CSMD1: variants seen among roughly 807,000 people sequenced by gnomAD.
The protein encoded by CSMD1 is CUB and Sushi multiple domains 1, also known as CUB and sushi domain-containing protein 1.
CSMD1 carries 213 observed loss-of-function variants against 417.5 expected under a neutral mutation model. That is an observed-to-expected ratio of 0.51 (90% confidence interval 0.46 to 0.57). The LOEUF is 0.57. CSMD1 is among the 20% of genes least tolerant of loss of function. The probability of loss-of-function intolerance (pLI) is 0.00; values close to 1 mark genes in which losing one functional copy is unlikely to be tolerated. For synonymous variants in CSMD1, 2,862 were observed against 1,736.8 expected (o/e 1.65, Z -16.11); for missense variants, 6,923 against 4,529.7 (o/e 1.53, Z -15.17).
intron 5 of CSMD1, among the ~76,000 whole-genome samples, chr8:3,969,679 A>G (rs1334872380): frequency 6.6e-6 from 1 of 152,224 alleles, no homozygotes; most frequent in East Asian, 1.9e-4. Context: ...CTTTGATGTC[A>G]GTAGTGGACA....
At chr8:4,761,371 G>GGT (rs36015588) in intron 1 of CSMD1, among the ~76,000 whole-genome samples, 8 of 150,874 alleles carry the variant, frequency 5.3e-5, no homozygotes, top group African/African-American at 1.5e-4. Context: ...CGTGTTACTT[G>GGT]GTGTGTGTGT....
chr8:3,706,295 A>G lies in CSMD1; in HGVS notation c.1009+2119T>C, dbSNP rs144100810. The stretch of plus-strand genomic sequence containing the variant: ...TGTAAGCGATGACATTTGAACTTGA[A>G]TAAGGCATATACTTGCACAGCTATT... On this transcript the variant is annotated intron_variant, in intron 7 of 69. Coordinates refer to ENST00000635120, the MANE Select transcript of CSMD1 (RefSeq NM_033225.6). Among the ~76,000 whole-genome samples, 697 of 152,364 alleles carry G rather than the reference A, an allele frequency of 4.6e-3. 4 individuals carry two copies. The highest frequency in any genetic ancestry group is 0.027 in the Middle Eastern group (8 of 294).
intron 7 of CSMD1, among the ~76,000 whole-genome samples, chr8:3,695,287 A>C (rs1309526384): frequency 1.3e-5 from 2 of 152,188 alleles, no homozygotes; most frequent in African/African-American, 4.8e-5. Flanking sequence ...TAGTGCCGCG[A>C]TGCAGAATTT....
Position 4,086,942 on chromosome 8 carries a change from T to C in CSMD1, c.416-54843A>G, listed in dbSNP as rs531426059. Among the ~76,000 whole-genome samples the C allele has an allele frequency of 3.3e-5, 5 of 152,338 alleles. No individual in the cohort carries two copies. In the South Asian group the frequency reaches 8.3e-4, roughly 25 times the overall value. On this transcript the variant is annotated intron_variant, in intron 3 of 69. Coordinates refer to ENST00000635120, the MANE Select transcript of CSMD1 (RefSeq NM_033225.6). The stretch of plus-strand genomic sequence containing the variant: ...GCTTGTTAAACTCACTAACCAGCTG[T>C]GTGGTTTGGGTAAATTACCAGATTG...
chr8:3,592,471 G>A (rs527770087), intron 8 of CSMD1, among the ~76,000 whole-genome samples: 92 of 152,126 alleles, frequency 6.0e-4, no homozygotes, highest in Non-Finnish European at 9.8e-4. Flanking sequence ...TTTCTTCAGC[G>A]TGACATTCAA....
At chr8:3,342,345 G>T (rs1345199273) in intron 23 of CSMD1, among the ~76,000 whole-genome samples, 1 of 151,964 alleles carries the variant, frequency 6.6e-6, no homozygotes, top group Non-Finnish European at 1.5e-5. Context: ...ATCAAATAAA[G>T]GTATCCATCA....
At position 3,134,445 on chromosome 8, in the gene CSMD1, G is replaced by A. The variant is rs115610642; in HGVS notation, c.6241+8020C>T. ...AACGTTTGACTCTCAGGGTTTTGGC[G>A]AGGCTATTTTCACAGCCGTAAAACT... On this transcript the variant is annotated intron_variant, in intron 41 of 69. Coordinates refer to ENST00000635120, the MANE Select transcript of CSMD1 (RefSeq NM_033225.6). Among the ~76,000 whole-genome samples, 1,171 of 152,314 alleles carry A rather than the reference G, an allele frequency of 7.7e-3. 17 individuals carry two copies. The highest frequency in any genetic ancestry group is 0.026 in the African/African-American group (1,095 of 41,570).
chr8:4,335,433 C>T (rs1033941217), intron 3 of CSMD1, among the ~76,000 whole-genome samples: 1 of 152,050 alleles, frequency 6.6e-6, no homozygotes, highest in African/African-American at 2.4e-5. Flanking sequence ...ACCAGAAACT[C>T]GTTACTAGAA....
rs538041303 is a variant in CSMD1, at chr8:4,753,806, A to G, written c.86-116248T>C. ...CCACCACTGCCTCCTCCTTTACTCC[A>G]TCGCACTTTCTTCATCCTGTTATTA... On this transcript the variant is annotated intron_variant, in intron 1 of 69. Coordinates refer to ENST00000635120, the MANE Select transcript of CSMD1 (RefSeq NM_033225.6). 3.4e-3 allele frequency among the ~76,000 whole-genome samples: 516 copies of G among 152,240 alleles called. 6 individuals are homozygous for G. Among genetic ancestry groups the G allele is most frequent in the Middle Eastern group, 6.8e-3 (2 of 294 alleles).
intron 11 of CSMD1, among the ~76,000 whole-genome samples, chr8:3,478,077 G>A (rs764806746): frequency 3.3e-5 from 5 of 152,102 alleles, no homozygotes; most frequent in Non-Finnish European, 7.4e-5. Flanking sequence ...ATTAGAACAA[G>A]CTTTAGATTT....
intron 3 of CSMD1, among the ~76,000 whole-genome samples, chr8:4,375,963 T>C (rs541157839): frequency 1.3e-5 from 2 of 152,306 alleles, no homozygotes; most frequent in African/African-American, 4.8e-5. Flanking sequence ...CTCCAGGCCT[T>C]GCCAATGCTG....
At chr8:4,014,500 C>T (rs1187935691) in intron 4 of CSMD1, among the ~76,000 whole-genome samples, 2 of 152,182 alleles carry the variant, frequency 1.3e-5, no homozygotes, top group Non-Finnish European at 2.9e-5. Context: ...CTTTTGATGT[C>T]TGTTCCCCCT....
intron 29 of CSMD1, among the ~76,000 whole-genome samples, chr8:3,218,403 T>A (rs1180940471): frequency 1.3e-5 from 2 of 149,982 alleles, no homozygotes; most frequent in Non-Finnish European, 3.0e-5. Context: ...CTACTAAAAA[T>A]ACAAAAAATC....
At chr8:4,432,351 C>A (rs1191618725) in intron 2 of CSMD1, among the ~76,000 whole-genome samples, 1 of 152,064 alleles carries the variant, frequency 6.6e-6, no homozygotes, top group Non-Finnish European at 1.5e-5. Context: ...TTGTAGAATC[C>A]CCTTCCCTGG....
chr8:3,106,914 A>C (rs995378794), intron 45 of CSMD1: 46 of 306,622 alleles, frequency 1.5e-4, no homozygotes, highest in Non-Finnish European at 2.6e-4. Context: ...TCCCTTCCCC[A>C]GTGATTGCTG....
intron 6 of CSMD1, among the ~76,000 whole-genome samples, chr8:3,745,074 T>G (rs1162334694): frequency 6.6e-6 from 1 of 152,314 alleles, no homozygotes; most frequent in East Asian, 1.9e-4. Context: ...ACAACCATTA[T>G]GGACATACAA....
intron 7 of CSMD1, among the ~76,000 whole-genome samples, chr8:3,682,145 T>A (rs1799697612): frequency 6.6e-6 from 1 of 152,194 alleles, no homozygotes; most frequent in Middle Eastern, 3.4e-3. Context: ...GGACTTCATG[T>A]CTAAAACACC....
At chr8:4,672,532 C>T (rs927453555) in intron 1 of CSMD1, among the ~76,000 whole-genome samples, 1 of 152,110 alleles carries the variant, frequency 6.6e-6, no homozygotes, top group Non-Finnish European at 1.5e-5. Flanking sequence ...GTGAAATATG[C>T]ACCTATAATG....
intron 28 of CSMD1, 148 bp downstream of exon 28, chr8:3,223,581 T>C: frequency 1.4e-6 from 1 of 703,100 alleles, no homozygotes; most frequent in Non-Finnish European, 2.3e-6. Flanking sequence ...ATTTATGTCA[T>C]TTTGCAGCCT....
Sources: allele counts gnomAD v4.1 joint callset (sites outside exome capture counted in the v4.1 genomes callset), GRCh38; gene constraint gnomAD v4.1.1; transcripts MANE v1.5; gene names NCBI Gene and HGNC (gene_info 2026-07-23, HGNC 2026-07-21).